Variants in GMDS observed in about 807,000 individuals in gnomAD.
The protein encoded by GMDS is GDP-mannose 4,6-dehydratase, also known as GDP-mannose 4,6 dehydratase.
Under a neutral mutation model 49.9 loss-of-function variants are expected in GMDS, and 20 were observed. The observed-to-expected ratio is 0.40, with a 90% CI of 0.28 to 0.58. The LOEUF (loss-of-function observed/expected upper bound fraction) is 0.58. GMDS is among the 20% of genes least tolerant of loss of function. GMDS has a pLI of 0.42. For synonymous variants in GMDS, 177 were observed against 178.6 expected, an observed-to-expected ratio of 0.99 and a Z score of 0.07; for missense variants, 362 against 481.4, an observed-to-expected ratio of 0.75 and a Z score of 2.32.
At chr6:1,654,757 C>T (rs1203361062) in intron 9 of GMDS, among the ~76,000 whole-genome samples, 3 of 151,924 alleles carry the variant, frequency 2.0e-5, no homozygotes, top group Non-Finnish European at 2.9e-5. Flanking sequence ...TGTACTTTAC[C>T]ATTATTTAAA....
At chr6:2,155,940 T>A (rs1344753838) in intron 1 of GMDS, among the ~76,000 whole-genome samples, 1 of 152,090 alleles carries the variant, frequency 6.6e-6, no homozygotes, top group Non-Finnish European at 1.5e-5. Context: ...AAAATCAAAC[T>A]CAGGTATAAA....
At chr6:1,798,160 A>C (rs1280607737) in intron 7 of GMDS, among the ~76,000 whole-genome samples, 1 of 151,988 alleles carries the variant, frequency 6.6e-6, no homozygotes, top group East Asian at 1.9e-4. Flanking sequence ...AGTTCTAGAA[A>C]TTTCATTAAC....
intron 4 of GMDS, among the ~76,000 whole-genome samples, chr6:2,085,071 C>T (rs1247556380): frequency 1.3e-5 from 2 of 152,070 alleles, no homozygotes; most frequent in Non-Finnish European, 2.9e-5. Flanking sequence ...AACATGTTCA[C>T]ATTTAGAAAA....
At chr6:1,669,505 A>G (rs1764345200) in intron 9 of GMDS, among the ~76,000 whole-genome samples, 1 of 152,204 alleles carries the variant, frequency 6.6e-6, no homozygotes, top group Non-Finnish European at 1.5e-5. Context: ...GTAAATAGAA[A>G]CACATATTGC....
At chr6:1,698,290 C>T (rs927823984) in intron 9 of GMDS, among the ~76,000 whole-genome samples, 2 of 152,202 alleles carry the variant, frequency 1.3e-5, no homozygotes, top group Non-Finnish European at 2.9e-5. Flanking sequence ...TGAGGTAGCG[C>T]TGGAGACAAG....
intron 7 of GMDS, among the ~76,000 whole-genome samples, chr6:1,926,718 G>A (rs547793198): frequency 1.3e-5 from 2 of 152,260 alleles, no homozygotes; most frequent in Non-Finnish European, 2.9e-5. Flanking sequence ...AAATTGCAAG[G>A]AATGATCATA....
At chr6:2,027,397 C>T (rs1581537468) in intron 4 of GMDS, among the ~76,000 whole-genome samples, 1 of 152,252 alleles carries the variant, frequency 6.6e-6, no homozygotes, top group East Asian at 1.9e-4. Flanking sequence ...TTGAGTTTAG[C>T]ATGCTCAGAA....
At chr6:2,219,371 G>T (rs1185124557) in intron 1 of GMDS, among the ~76,000 whole-genome samples, 1 of 152,188 alleles carries the variant, frequency 6.6e-6, no homozygotes, top group Non-Finnish European at 1.5e-5. Context: ...TCAGCCAACA[G>T]TGCATCCTGT....
chr6:2,050,295 C>T (rs1337485679), intron 4 of GMDS, among the ~76,000 whole-genome samples: 1 of 152,126 alleles, frequency 6.6e-6, no homozygotes, highest in East Asian at 1.9e-4. Flanking sequence ...GCATAAATTC[C>T]TGGACACATA....
In GMDS at chr6:2,065,210, G is replaced by T. The variant is rs1581597575; in HGVS notation, c.345+50561C>A. The stretch of plus-strand genomic sequence containing the variant: ...TACTCCAACAGACCTGCAGCTGAGG[G>T]TCCTGTCTGTTAGAGGGAAAACTAA... On this transcript the variant is annotated intron_variant, in intron 4 of 10. Transcript: ENST00000380815. Among the ~76,000 whole-genome samples, 5 of 152,110 alleles carry T rather than the reference G, an allele frequency of 3.3e-5. No homozygotes were observed. In the South Asian group the frequency reaches 8.3e-4, roughly 25 times the overall value.
chr6:2,075,274 G>T (rs1229312377), intron 4 of GMDS, among the ~76,000 whole-genome samples: 1 of 151,860 alleles, frequency 6.6e-6, no homozygotes, highest in African/African-American at 2.4e-5. Context: ...CAGGAAAGTG[G>T]ATTTTTTAAA....
chr6:2,103,401 G>A (rs1247273684), intron 4 of GMDS, among the ~76,000 whole-genome samples: 1 of 152,140 alleles, frequency 6.6e-6, no homozygotes, highest in East Asian at 1.9e-4. Flanking sequence ...CTGCTTTTAA[G>A]CACGTTGTTA....
intron 1 of GMDS, among the ~76,000 whole-genome samples, chr6:2,179,801 C>T (rs558228423): frequency 7.9e-4 from 121 of 152,214 alleles, no homozygotes; most frequent in African/African-American, 2.6e-3. Flanking sequence ...TATCTATCTA[C>T]CCATCTATCA....
chr6:2,153,650 G>A (rs1415687605), intron 1 of GMDS, among the ~76,000 whole-genome samples: 1 of 151,986 alleles, frequency 6.6e-6, no homozygotes, highest in Non-Finnish European at 1.5e-5. Context: ...ATACTATATT[G>A]TTCACCTATT....
At chr6:1,830,341 C>G (rs925219023) in intron 7 of GMDS, among the ~76,000 whole-genome samples, 8 of 152,200 alleles carry the variant, frequency 5.3e-5, no homozygotes, top group Non-Finnish European at 1.0e-4. Context: ...TGCTTAGCAA[C>G]TTCTACCCAC....
Position 2,035,738 on chromosome 6 carries a change from G to A in GMDS, c.346-74772C>T, listed in dbSNP as rs1769265837. 2.0e-5 allele frequency among the ~76,000 whole-genome samples: 3 copies of A among 151,972 alleles called. No homozygotes were observed. In the South Asian group the frequency reaches 6.2e-4, roughly 32 times the overall value. On this transcript the variant is annotated intron_variant, in intron 4 of 10. Transcript: ENST00000380815. ...GTCTCGCTCTGTCACCCAGGCTGGA[G>A]TGCAATGGTGCAATCTTAATTCACT...
At chr6:2,169,137 C>T (rs1488735004) in intron 1 of GMDS, among the ~76,000 whole-genome samples, 1 of 152,086 alleles carries the variant, frequency 6.6e-6, no homozygotes, top group Non-Finnish European at 1.5e-5. Context: ...TAACCTTAAA[C>T]ATCAGAAGGT....
At chr6:1,639,492 G>A (rs77172936) in intron 9 of GMDS, among the ~76,000 whole-genome samples, 2,256 of 152,320 alleles carry the variant, frequency 0.015, 67 homozygotes, top group African/African-American at 0.051. Flanking sequence ...GAACTGCCCC[G>A]TTTAGTACGG....
At chr6:2,010,277 A>T (rs754142474) in intron 4 of GMDS, among the ~76,000 whole-genome samples, 1 of 150,818 alleles carries the variant, frequency 6.6e-6, no homozygotes, top group Non-Finnish European at 1.5e-5. Context: ...CAGGGAGCCG[A>T]GATCGTGCCA....
Sources: allele counts gnomAD v4.1 joint callset (sites outside exome capture counted in the v4.1 genomes callset), GRCh38; gene constraint gnomAD v4.1.1; transcripts MANE v1.5; gene names NCBI Gene and HGNC (gene_info 2026-07-23, HGNC 2026-07-21).